Variants in DNAH9 observed in about 807,000 individuals in gnomAD.
DNAH9 encodes DNAH9 variant protein.
A neutral mutation model predicts 471.6 loss-of-function variants in DNAH9; 345 were observed. The observed-to-expected ratio is 0.73, with a 90% CI of 0.67 to 0.80. The LOEUF is 0.80. Ranked by LOEUF, DNAH9 falls within the 30% of genes least tolerant of loss-of-function variation. DNAH9 has a pLI of 0.00. For synonymous variants in DNAH9, 2,093 were observed against 2,123.6 expected, an observed-to-expected ratio of 0.99 and a Z score of 0.40; for missense variants, 5,407 against 5,609.2, an observed-to-expected ratio of 0.96 and a Z score of 1.15.
At chr17:11,811,923 C>T (rs547722294) in intron 45 of DNAH9, among the ~76,000 whole-genome samples, 40 of 131,130 alleles carry the variant, frequency 3.1e-4, no homozygotes, top group African/African-American at 1.1e-3. Flanking sequence ...CAGGGAGATA[C>T]AGGTTGCAGT....
intron 62 of DNAH9, among the ~76,000 whole-genome samples, chr17:11,928,982 G>A (rs1403309739): frequency 6.6e-6 from 1 of 150,726 alleles, no homozygotes; most frequent in Non-Finnish European, 1.5e-5. Flanking sequence ...TAGCTGTCAG[G>A]TAATGGGGAG....
At chr17:11,762,784 T>TTG (rs1967757723) in intron 35 of DNAH9, among the ~76,000 whole-genome samples, 1 of 135,276 alleles carries the variant, frequency 7.4e-6, no homozygotes, top group Non-Finnish European at 1.6e-5. Context: ...TTTTTTTTTT[T>TTG]TTTTTTTTTT....
At position 11,783,662 on chromosome 17, in the gene DNAH9, C is replaced by T. The variant is rs1567799718; in HGVS notation, c.7735C>T (p.Leu2579=). Residue 2579 remains leucine, a synonymous_variant, in exon 40 of 69, where the codon CTG becomes TTG. Transcript: ENST00000262442. ...CTGTTCCAGGTATGATCGGAGCAAGCTGTCCCTAAAGGAGATCACAAATGT... is the reference window on the plus strand; with the variant it reads ...CTGTTCCAGGTATGATCGGAGCAAGTTGTCCCTAAAGGAGATCACAAATGT... The part of the protein sequence containing the change: ...DYGHWYDRSK[L]SLKEITNVQY... 1.2e-6 allele frequency: 2 copies of T among 1,614,042 alleles called. No homozygotes were observed. The highest frequency in any genetic ancestry group is 1.1e-5 in the South Asian group (1 of 91,054).
chr17:11,966,159 A>G (rs1976697389), intron 68 of DNAH9, among the ~76,000 whole-genome samples: 1 of 152,254 alleles, frequency 6.6e-6, no homozygotes, highest in African/African-American at 2.4e-5. Flanking sequence ...GATCCATACC[A>G]AGACATATTA....
Position 11,763,634 on chromosome 17 carries a change from T to G in DNAH9, c.7170+20T>G. The G allele has an allele frequency of 6.2e-7, 1 of 1,610,828 alleles. No homozygotes were observed. Among genetic ancestry groups the G allele is most frequent in the Non-Finnish European group, 8.5e-7 (1 of 1,178,100 alleles). Reference sequence around the variant, plus strand: ...GATCAGGTAAGGAGATATGTTGAGCTCAACAACCACACTGAAGTCTGTAGC... The same window carrying G: ...GATCAGGTAAGGAGATATGTTGAGCGCAACAACCACACTGAAGTCTGTAGC... On this transcript the variant is annotated intron_variant, in intron 36 of 68. Transcript: ENST00000262442.
intron 30 of DNAH9, among the ~76,000 whole-genome samples, chr17:11,743,310 G>C (rs2075460098): frequency 6.6e-6 from 1 of 152,128 alleles, no homozygotes; most frequent in Non-Finnish European, 1.5e-5. Flanking sequence ...ATATTTCTCA[G>C]ACAAGTCTCA....
At chr17:11,698,135 T>C (rs1237703110) in intron 22 of DNAH9, among the ~76,000 whole-genome samples, 2 of 90,484 alleles carry the variant, frequency 2.2e-5, no homozygotes, top group Non-Finnish European at 4.4e-5. Flanking sequence ...AATATATAAT[T>C]ATATATTAGT....
intron 45 of DNAH9, among the ~76,000 whole-genome samples, chr17:11,811,519 G>A (rs1969900301): frequency 6.6e-6 from 1 of 151,990 alleles, no homozygotes; most frequent in South Asian, 2.1e-4. Flanking sequence ...GAGGCCATAG[G>A]TAACTGATAG....
chr17:11,761,144 A>G (rs1318591035), intron 35 of DNAH9, among the ~76,000 whole-genome samples: 1 of 152,246 alleles, frequency 6.6e-6, no homozygotes, highest in African/African-American at 2.4e-5. Flanking sequence ...GTCAAGGTCT[A>G]TGACTTTTCT....
chr17:11,636,167 A>G (rs1353432897), intron 8 of DNAH9, among the ~76,000 whole-genome samples: 6 of 151,862 alleles, frequency 4.0e-5, no homozygotes, highest in Non-Finnish European at 1.5e-5. Context: ...CACCACACCC[A>G]GCTAATTTTT....
intron 32 of DNAH9, among the ~76,000 whole-genome samples, chr17:11,749,026 GATTTT>G (rs1022433837): frequency 3.5e-5 from 5 of 143,084 alleles, no homozygotes; most frequent in Admixed American, 3.5e-4. Flanking sequence ...GCTCTTTTGT[GATTTT>G]ATTTCCTGTT....
intron 61 of DNAH9, among the ~76,000 whole-genome samples, chr17:11,912,687 T>A (rs906472842): frequency 1.3e-5 from 2 of 152,194 alleles, no homozygotes; most frequent in Non-Finnish European, 2.9e-5. Context: ...ATAATTCTTT[T>A]TATGTATTAC....
At chr17:11,608,389 T>C in intron 2 of DNAH9, 64 bp downstream of exon 2, 1 of 1,293,776 alleles carries the variant, frequency 7.7e-7, no homozygotes, top group Non-Finnish European at 1.1e-6. Context: ...TATCAGAATG[T>C]TTTCCTTACA....
Position 11,963,006 on chromosome 17 carries a change from T to C in DNAH9, c.13233+750T>C, listed in dbSNP as rs79458500. 6.6e-3 allele frequency among the ~76,000 whole-genome samples: 1,012 copies of C among 152,268 alleles called. 8 individuals carry two copies. Among genetic ancestry groups the C allele is most frequent in the East Asian group, 0.042 (219 of 5,174 alleles). Reference sequence around the variant, plus strand: ...AATAGAGATTTACTTGGTTAAGTAGTGCCCCCAAAAATTCATGTCTAGGCA... The same window carrying C: ...AATAGAGATTTACTTGGTTAAGTAGCGCCCCCAAAAATTCATGTCTAGGCA... On this transcript the variant is annotated intron_variant, in intron 68 of 68. Coordinates refer to ENST00000262442, the MANE Select transcript of DNAH9 (RefSeq NM_001372.4).
chr17:11,773,714 T>C (rs1968309016), intron 38 of DNAH9, among the ~76,000 whole-genome samples: 1 of 152,190 alleles, frequency 6.6e-6, no homozygotes, highest in Non-Finnish European at 1.5e-5. Context: ...TGTTTAATTA[T>C]AAAATATTTC....
At chr17:11,719,220 AG>A in intron 26 of DNAH9, 113 bp from the exon 27 acceptor site, 1 of 1,044,504 alleles carries the variant, frequency 9.6e-7, no homozygotes, top group Non-Finnish European at 1.4e-6. Flanking sequence ...AAAAAGGGGC[AG>A]GGCTCTTGGC....
chr17:11,682,613 C>T lies in DNAH9; in HGVS notation c.3743+1724C>T, dbSNP rs535462429. Reference sequence around the variant, plus strand: ...AGACATAAGATATAAATATATAAAACATATGACTCTAAAGCAATGTGCTGC... The same window carrying T: ...AGACATAAGATATAAATATATAAAATATATGACTCTAAAGCAATGTGCTGC... On this transcript the variant is annotated intron_variant, in intron 19 of 68. Transcript: ENST00000262442. Among the ~76,000 whole-genome samples the T allele has an allele frequency of 4.0e-4, 61 of 152,018 alleles. 1 individual carries two copies. Among genetic ancestry groups the T allele is most frequent in the Admixed American group, 1.8e-3 (28 of 15,278 alleles).
chr17:11,759,975 C>T (rs751819025), intron 35 of DNAH9, among the ~76,000 whole-genome samples: 1 of 152,030 alleles, frequency 6.6e-6, no homozygotes, highest in African/African-American at 2.4e-5. Flanking sequence ...CGTGAGCCAC[C>T]GCACCCAGCC....
chr17:11,730,239 T>C (rs2150818161), intron 28 of DNAH9, among the ~76,000 whole-genome samples: 2 of 152,290 alleles, frequency 1.3e-5, no homozygotes, highest in Admixed American at 1.3e-4. Flanking sequence ...GAGCTGGTTG[T>C]GTGCATGTCA....
Sources: gnomAD v4.1 joint callset for allele counts (sites outside exome capture counted in the v4.1 genomes callset) on GRCh38, gnomAD v4.1.1 for gene constraint, MANE v1.5 for transcripts, NCBI Gene and HGNC (gene_info 2026-07-23, HGNC 2026-07-21) for gene names.